CNTN6: variants seen among roughly 807,000 people sequenced by gnomAD.
The protein encoded by CNTN6 is contactin-6.
A neutral mutation model predicts 122.8 loss-of-function variants in CNTN6; 137 were observed. That is an observed-to-expected ratio of 1.12 (90% confidence interval 0.97 to 1.29). The LOEUF (loss-of-function observed/expected upper bound fraction) is 1.29. CNTN6 is among the 50% of genes most tolerant of loss of function. The pLI, the probability that CNTN6 is intolerant of heterozygous loss-of-function variation, is 0.00. For synonymous variants in CNTN6, 570 were observed against 426.0 expected (o/e 1.34, Z -4.16); for missense variants, 1,634 against 1,223.4 (o/e 1.34, Z -5.01).
At chr3:1,331,516 C>A (rs1354933236) in intron 11 of CNTN6, among the ~76,000 whole-genome samples, 1 of 151,898 alleles carries the variant, frequency 6.6e-6, no homozygotes, top group African/African-American at 2.4e-5. Context: ...GTGTGCATTG[C>A]CTAGGAGATT....
At chr3:1,174,455 A>C (rs1559455531) in intron 2 of CNTN6, among the ~76,000 whole-genome samples, 1 of 152,194 alleles carries the variant, frequency 6.6e-6, no homozygotes, top group East Asian at 1.9e-4. Flanking sequence ...ATCTCATGGA[A>C]CTTCTCAGTT....
At chr3:1,225,040 A>G (rs1299570202) in intron 3 of CNTN6, among the ~76,000 whole-genome samples, 2 of 152,092 alleles carry the variant, frequency 1.3e-5, no homozygotes, top group Non-Finnish European at 2.9e-5. Flanking sequence ...GAACCACCGC[A>G]CCTAGCCCAG....
chr3:1,395,713 G>A (rs1044923342), intron 20 of CNTN6, among the ~76,000 whole-genome samples: 3 of 152,162 alleles, frequency 2.0e-5, no homozygotes, highest in Non-Finnish European at 4.4e-5. Flanking sequence ...AGGTACTGGA[G>A]ATTAGGATGT....
At chr3:1,254,073 T>C (rs1294420957) in intron 4 of CNTN6, among the ~76,000 whole-genome samples, 1 of 152,316 alleles carries the variant, frequency 6.6e-6, no homozygotes, top group East Asian at 1.9e-4. Flanking sequence ...GAAATGTCTA[T>C]AAAAATATTA....
chr3:1,304,995 A>AAAC (rs889456514), intron 7 of CNTN6, among the ~76,000 whole-genome samples: 1 of 151,738 alleles, frequency 6.6e-6, no homozygotes, highest in Admixed American at 6.6e-5. Flanking sequence ...GTCAAAAAAA[A>AAAC]AAAAAAAAAC....
intron 5 of CNTN6, among the ~76,000 whole-genome samples, chr3:1,280,666 T>C (rs1253861606): frequency 1.3e-5 from 2 of 151,854 alleles, no homozygotes. Context: ...GTTTTCGCCA[T>C]GTTGGCCAGG....
Position 1,212,142 on chromosome 3 carries a change from T to C in CNTN6, c.56-8545T>C, listed in dbSNP as rs74917058. Among the ~76,000 whole-genome samples, 1,454 of 152,274 alleles carry C rather than the reference T, an allele frequency of 9.5e-3. 25 individuals are homozygous for C. Among genetic ancestry groups the C allele is most frequent in the African/African-American group, 0.033 (1,370 of 41,556 alleles). On this transcript the variant is annotated intron_variant, in intron 2 of 22. Coordinates refer to ENST00000446702, the MANE Select transcript of CNTN6 (RefSeq NM_001289080.2). ...GGAAGAAAGGTAGGGCAGAACCCTT[T>C]ATGCATTTTCAACAATATTGTACAA...
intron 2 of CNTN6, among the ~76,000 whole-genome samples, chr3:1,187,969 C>A (rs7650881): frequency 0.13 from 20,198 of 152,186 alleles, 2,736 homozygotes; most frequent in African/African-American, 0.34. Flanking sequence ...CCACACTGCA[C>A]CACCTTCCTT....
intron 1 of CNTN6, among the ~76,000 whole-genome samples, chr3:1,108,193 C>A (rs1450415754): frequency 6.6e-6 from 1 of 151,954 alleles, no homozygotes; most frequent in Admixed American, 6.6e-5. Flanking sequence ...TGACATATAT[C>A]AAACTCATGG....
At chr3:1,104,151 T>A (rs1448885307) in intron 1 of CNTN6, among the ~76,000 whole-genome samples, 1 of 152,082 alleles carries the variant, frequency 6.6e-6, no homozygotes, top group Non-Finnish European at 1.5e-5. Context: ...TTCAATGAAG[T>A]ATACAACTCT....
intron 11 of CNTN6, among the ~76,000 whole-genome samples, chr3:1,335,366 T>G (rs933172698): frequency 6.6e-6 from 1 of 152,170 alleles, no homozygotes; most frequent in Non-Finnish European, 1.5e-5. Context: ...AATTACAGAT[T>G]AAGTTTATCT....
chr3:1,284,041 C>T (rs1470108566), intron 5 of CNTN6, among the ~76,000 whole-genome samples: 1 of 152,044 alleles, frequency 6.6e-6, no homozygotes, highest in East Asian at 1.9e-4. Context: ...AACTAAGTCC[C>T]GAGCTCATAA....
At chr3:1,165,962 C>G (rs1489255830) in intron 2 of CNTN6, among the ~76,000 whole-genome samples, 1 of 152,184 alleles carries the variant, frequency 6.6e-6, no homozygotes, top group Non-Finnish European at 1.5e-5. Context: ...AGTAAGTCTT[C>G]CATCATCTCC....
intron 7 of CNTN6, among the ~76,000 whole-genome samples, chr3:1,308,789 TTG>T (rs35176466): frequency 0.011 from 1,734 of 152,178 alleles, 37 homozygotes; most frequent in African/African-American, 0.04. Flanking sequence ...GCATTTGATA[TTG>T]TGTGTGTTTT....
intron 2 of CNTN6, among the ~76,000 whole-genome samples, chr3:1,199,289 C>G (rs2093825828): frequency 6.6e-6 from 1 of 150,638 alleles, no homozygotes; most frequent in Non-Finnish European, 1.5e-5. Context: ...AGGTGATTCT[C>G]TCACCTCAGC....
chr3:1,156,441 T>C (rs2125215559), intron 2 of CNTN6, among the ~76,000 whole-genome samples: 1 of 152,300 alleles, frequency 6.6e-6, no homozygotes, highest in Middle Eastern at 3.4e-3. Flanking sequence ...TGTAGAATTC[T>C]TAGTCTTAAA....
chr3:1,385,451 TTTG>T (rs1210235868), intron 19 of CNTN6, among the ~76,000 whole-genome samples, 157 bp from the exon 20 acceptor site: 3 of 152,190 alleles, frequency 2.0e-5, no homozygotes, highest in South Asian at 2.1e-4. Context: ...GAATAACAAT[TTTG>T]TTGTTGTATA....
At chr3:1,314,069 G>A (rs984746056) in intron 7 of CNTN6, among the ~76,000 whole-genome samples, 7 of 152,026 alleles carry the variant, frequency 4.6e-5, no homozygotes, top group African/African-American at 1.7e-4. Context: ...GGGACTGACT[G>A]CAAGGACAGA....
chr3:1,250,060 T>C (rs6794274), intron 4 of CNTN6, among the ~76,000 whole-genome samples: 19,898 of 152,206 alleles, frequency 0.13, 1,393 homozygotes, highest in East Asian at 0.23. Context: ...AAATTTATGA[T>C]ATTCCTCTTT....
Sources: allele counts gnomAD v4.1 joint callset (sites outside exome capture counted in the v4.1 genomes callset), GRCh38; gene constraint gnomAD v4.1.1; transcripts MANE v1.5; gene names NCBI Gene and HGNC (gene_info 2026-07-23, HGNC 2026-07-21).